SCHIP1: variants seen among roughly 807,000 people sequenced by gnomAD.
SCHIP1 encodes schwannomin interacting protein 1.
SCHIP1 carries 8 observed loss-of-function variants against 29.7 expected under a neutral mutation model. The observed-to-expected ratio is 0.27, with a 90% CI of 0.16 to 0.49. SCHIP1 has a LOEUF of 0.49. Ranked by LOEUF, SCHIP1 falls within the 20% of genes least tolerant of loss-of-function variation. SCHIP1 has a pLI of 0.99. For missense variants in SCHIP1, 193 were observed against 294.6 expected (o/e 0.66, Z 2.52); for synonymous variants, 76 against 94.9 (o/e 0.80, Z 1.16).
At chr3:159,822,310 GGAGAGGACACCCT>G in the SCHIP1 span, among the ~76,000 whole-genome samples, 1 of 152,064 alleles carries the variant, frequency 6.6e-6, no homozygotes, top group African/African-American at 2.4e-5. Context: ...CAGAGAGAGA[GGAGAGGACACCCT>G]GAGAGTACAG....
intron 2 of SCHIP1, among the ~76,000 whole-genome samples, chr3:159,875,853 G>A (rs531966960): frequency 2.6e-4 from 39 of 152,264 alleles, no homozygotes; most frequent in African/African-American, 8.4e-4. Context: ...AGCTACTCAG[G>A]AGGCTGAGAT....
At chr3:159,760,651 T>C in the SCHIP1 span, among the ~76,000 whole-genome samples, 1 of 152,210 alleles carries the variant, frequency 6.6e-6, no homozygotes, top group Non-Finnish European at 1.5e-5. Context: ...CCAATTACCG[T>C]GAATGAGGGA....
the SCHIP1 span, among the ~76,000 whole-genome samples, chr3:159,353,987 A>G: frequency 2.6e-5 from 4 of 152,328 alleles, no homozygotes; most frequent in African/African-American, 9.6e-5. Context: ...CAGTGAATTC[A>G]AAGTTACAAA....
chr3:159,545,680 GTATTA>G, the SCHIP1 span, among the ~76,000 whole-genome samples: 1 of 145,636 alleles, frequency 6.9e-6, no homozygotes, highest in South Asian at 2.2e-4. Flanking sequence ...ATAATATATA[GTATTA>G]TATAATAAAA....
the SCHIP1 span, among the ~76,000 whole-genome samples, chr3:159,437,175 T>A: frequency 6.6e-6 from 1 of 152,126 alleles, no homozygotes; most frequent in Non-Finnish European, 1.5e-5. Context: ...TTTTGAGACA[T>A]CTTCATTGCT....
At chr3:159,292,875 A>G in the SCHIP1 span, among the ~76,000 whole-genome samples, 7 of 152,176 alleles carry the variant, frequency 4.6e-5, no homozygotes, top group Admixed American at 4.6e-4. Flanking sequence ...GGATGTATAT[A>G]GAGTTTCTAT....
At chr3:159,539,264 T>C in the SCHIP1 span, among the ~76,000 whole-genome samples, 20 of 83,566 alleles carry the variant, frequency 2.4e-4, 4 homozygotes, top group African/African-American at 6.6e-4. Flanking sequence ...AGGGTTATAA[T>C]TTTTTATTTA....
chr3:159,807,450 C>G, the SCHIP1 span, among the ~76,000 whole-genome samples: 11 of 152,182 alleles, frequency 7.2e-5, no homozygotes, highest in African/African-American at 1.4e-4. Flanking sequence ...TACATAATCT[C>G]TCTGATTCTG....
the SCHIP1 span, among the ~76,000 whole-genome samples, chr3:159,781,546 C>G: frequency 6.6e-6 from 1 of 152,160 alleles, no homozygotes. Flanking sequence ...TGATGTCTGC[C>G]AAGAATTTTC....
chr3:159,459,832 G>A, the SCHIP1 span, among the ~76,000 whole-genome samples: 135 of 152,210 alleles, frequency 8.9e-4, no homozygotes, highest in African/African-American at 3.1e-3. Flanking sequence ...AGGAGATTTA[G>A]ACACAGGCAT....
At chr3:159,477,334 T>C in the SCHIP1 span, among the ~76,000 whole-genome samples, 33 of 152,176 alleles carry the variant, frequency 2.2e-4, no homozygotes, top group Non-Finnish European at 4.3e-4. Flanking sequence ...TCATATGATA[T>C]TTTTAATTTT....
chr3:159,741,526 A>T, the SCHIP1 span, among the ~76,000 whole-genome samples: 1 of 152,240 alleles, frequency 6.6e-6, no homozygotes, highest in Admixed American at 6.5e-5. Context: ...TGCCTATTTA[A>T]GCTCTTCCCA....
At chr3:159,782,601 C>T in the SCHIP1 span, among the ~76,000 whole-genome samples, 13 of 150,152 alleles carry the variant, frequency 8.7e-5, no homozygotes, top group African/African-American at 3.3e-4. Context: ...TTGAATGTTC[C>T]CACCACCACT....
the SCHIP1 span, among the ~76,000 whole-genome samples, chr3:159,652,653 G>A: frequency 6.6e-6 from 1 of 152,268 alleles, no homozygotes; most frequent in Admixed American, 6.5e-5. Flanking sequence ...AGATAAGATG[G>A]GTGGGGAGGG....
the SCHIP1 span, among the ~76,000 whole-genome samples, chr3:159,700,071 T>G: frequency 6.6e-6 from 1 of 152,180 alleles, no homozygotes; most frequent in Non-Finnish European, 1.5e-5. Context: ...TTTAGAAACT[T>G]TTCTACCTTA....
chr3:159,659,102 C>A, the SCHIP1 span, among the ~76,000 whole-genome samples: 1 of 152,240 alleles, frequency 6.6e-6, no homozygotes, highest in South Asian at 2.1e-4. Context: ...TGGGACCGGG[C>A]ACATAGTACA....
chr3:159,677,814 A>G, the SCHIP1 span, among the ~76,000 whole-genome samples: 2 of 152,142 alleles, frequency 1.3e-5, no homozygotes, highest in Non-Finnish European at 2.9e-5. Flanking sequence ...AATTCTCACT[A>G]TGCACATCTA....
At chr3:159,782,157 A>G in the SCHIP1 span, among the ~76,000 whole-genome samples, 2 of 152,188 alleles carry the variant, frequency 1.3e-5, no homozygotes, top group Admixed American at 1.3e-4. Context: ...TGAAAGACCA[A>G]AAAGGGAGAC....
chr3:159,401,040 G>T, the SCHIP1 span: 1 of 227,722 alleles, frequency 4.4e-6, no homozygotes, highest in African/African-American at 2.3e-5. Context: ...TCCTAACCCT[G>T]TACCTGACAC....
Sources: gnomAD v4.1 joint callset for allele counts (sites outside exome capture counted in the v4.1 genomes callset) on GRCh38, gnomAD v4.1.1 for gene constraint, MANE v1.5 for transcripts, NCBI Gene and HGNC (gene_info 2026-07-23, HGNC 2026-07-21) for gene names.